Variants in SRL observed in about 807,000 individuals in gnomAD.
SRL encodes sarcalumenin.
Under a neutral mutation model 39.5 loss-of-function variants are expected in SRL, and 23 were observed. The observed-to-expected ratio is 0.58, with a 90% CI of 0.42 to 0.82. The LOEUF (loss-of-function observed/expected upper bound fraction) is 0.82. Among genes scored for constraint, SRL ranks in the 40% least tolerant of loss-of-function variants. The pLI is 0.00. For missense variants in SRL, 592 were observed against 607.8 expected, an observed-to-expected ratio of 0.97 and a Z score of 0.27; for synonymous variants, 272 against 237.4, an observed-to-expected ratio of 1.15 and a Z score of -1.34.
At chr16:4,221,844 G>A (rs989066358) in intron 1 of SRL, among the ~76,000 whole-genome samples, 1 of 152,092 alleles carries the variant, frequency 6.6e-6, no homozygotes, top group Non-Finnish European at 1.5e-5. Flanking sequence ...GCAACTCTTG[G>A]CTTGTGGCTG....
intron 1 of SRL, among the ~76,000 whole-genome samples, chr16:4,220,031 C>T (rs150681176): frequency 6.6e-5 from 10 of 152,162 alleles, no homozygotes; most frequent in East Asian, 1.9e-4. Flanking sequence ...CCCACCTTGC[C>T]GCTCCGTGAA....
At chr16:4,216,085 G>T (rs967783226) in intron 1 of SRL, among the ~76,000 whole-genome samples, 1 of 151,424 alleles carries the variant, frequency 6.6e-6, no homozygotes, top group Non-Finnish European at 1.5e-5. Flanking sequence ...AACCCATAGA[G>T]TCCTGAGAAT....
At chr16:4,228,660 A>C (rs534162047) in intron 1 of SRL, among the ~76,000 whole-genome samples, 1 of 151,002 alleles carries the variant, frequency 6.6e-6, no homozygotes, top group South Asian at 2.1e-4. Flanking sequence ...GAGTGAACCC[A>C]GGAGGCGGAG....
Position 4,197,888 on chromosome 16 carries a change from A to G in SRL, c.287T>C (p.Val96Ala), listed in dbSNP as rs1009049526. The change falls in exon 4 of 6, where the codon GTA becomes GCA. Residue 96 changes from valine to alanine, a missense_variant. By Grantham distance (64) the Val-to-Ala change is moderately conservative. Transcript: ENST00000399609. ...AACACTCCACGGTCCCAGGAACAGT[A>G]CCATGGGCTTGGAGGTAATCTCTCC... ...TDGEITSKPM[V>A]LFLGPWSVGK... The G allele has an allele frequency of 4.3e-6, 7 of 1,613,878 alleles. No individual in the cohort carries two copies. Among genetic ancestry groups the G allele is most frequent in the Non-Finnish European group, 5.9e-6 (7 of 1,179,722 alleles).
rs1179455575 is a variant in SRL at position 4,203,149 on chromosome 16, G to A, written c.259+17C>T. 3.7e-6 allele frequency: 6 copies of A among 1,607,270 alleles called. No homozygotes were observed. The South Asian group carries it at 4.4e-5, about 12-fold the overall frequency. On this transcript the variant is annotated intron_variant, in intron 3 of 5. Transcript: ENST00000399609. ...GTACCCGTAATCTCAAGCCCTACCT[G>A]TTATCTCAAGCCCTACCTGTGATCT...
rs182800489 is a variant in SRL at position 4,224,879 on chromosome 16, G to T, written c.61+17128C>A. Among the ~76,000 whole-genome samples, 597 of 152,316 alleles carry T rather than the reference G, an allele frequency of 3.9e-3. 6 individuals are homozygous for T. The highest frequency in any genetic ancestry group is 6.8e-3 in the Non-Finnish European group (462 of 68,042). ...TAGATCAATGGATAAACAGAACATG[G>T]TCTATCCACACAATGCAATATTTCC... is the stretch of plus-strand genomic sequence containing the variant. On this transcript the variant is annotated intron_variant, in intron 1 of 5. Coordinates refer to ENST00000399609, the MANE Select transcript of SRL (RefSeq NM_001098814.2).
chr16:4,221,817 GC>G (rs768148238), intron 1 of SRL, among the ~76,000 whole-genome samples: 1 of 152,180 alleles, frequency 6.6e-6, no homozygotes, highest in Non-Finnish European at 1.5e-5. Context: ...TGCCTCTCTA[GC>G]TTCTGGTGTT....
intron 3 of SRL, among the ~76,000 whole-genome samples, chr16:4,202,461 C>A (rs2052248942): frequency 6.6e-6 from 1 of 151,924 alleles, no homozygotes; most frequent in African/African-American, 2.4e-5. Context: ...GGCGTGGTGG[C>A]AGGTGCCTGT....
chr16:4,196,031 G>A (rs2052136126), intron 4 of SRL, among the ~76,000 whole-genome samples: 1 of 152,100 alleles, frequency 6.6e-6, no homozygotes, highest in Admixed American at 6.6e-5. Flanking sequence ...TGCAATCTCA[G>A]CTCACTGCAG....
chr16:4,210,750 T>A (rs1488703965), intron 1 of SRL, among the ~76,000 whole-genome samples: 2 of 152,200 alleles, frequency 1.3e-5, no homozygotes, highest in Non-Finnish European at 2.9e-5. Context: ...CTCAAAGTGC[T>A]GGGATTACAG....
At chr16:4,235,695 T>C (rs1182757863) in intron 1 of SRL, among the ~76,000 whole-genome samples, 1 of 151,900 alleles carries the variant, frequency 6.6e-6, no homozygotes, top group Non-Finnish European at 1.5e-5. Flanking sequence ...AGTGAGACCT[T>C]ATCTCAAAAA....
chr16:4,231,487 C>T (rs1264925609), intron 1 of SRL, among the ~76,000 whole-genome samples: 3 of 152,174 alleles, frequency 2.0e-5, no homozygotes, highest in South Asian at 2.1e-4. Context: ...CAGACCCTGT[C>T]GTCACCATCC....
intron 1 of SRL, among the ~76,000 whole-genome samples, chr16:4,217,983 G>T (rs1402790218): frequency 6.6e-6 from 1 of 152,158 alleles, no homozygotes; most frequent in African/African-American, 2.4e-5. Flanking sequence ...GAGCTGCAGG[G>T]TGCCTGGGGG....
At position 4,232,299 on chromosome 16, in the gene SRL, G is replaced by A. The variant is rs569386043; in HGVS notation, c.61+9708C>T. Reference sequence around the variant, plus strand: ...TTCCCAAGTCCTAGAGAGCACTCCCGGTCTCTTGATCTCCTTGGGTAAGTG... The same window carrying A: ...TTCCCAAGTCCTAGAGAGCACTCCCAGTCTCTTGATCTCCTTGGGTAAGTG... On this transcript the variant is annotated intron_variant, in intron 1 of 5. Coordinates refer to ENST00000399609, the MANE Select transcript of SRL (RefSeq NM_001098814.2). Among the ~76,000 whole-genome samples the A allele has an allele frequency of 3.3e-5, 5 of 152,284 alleles. No individual in the cohort carries two copies. The East Asian group carries it at 9.6e-4, about 29-fold the overall frequency.
At chr16:4,205,945 CA>C (rs5815198) in intron 1 of SRL, among the ~76,000 whole-genome samples, 72 of 146,398 alleles carry the variant, frequency 4.9e-4, no homozygotes, top group Admixed American at 1.2e-3. Context: ...GACCTTGTCT[CA>C]AAAAAAAAAA....
intron 1 of SRL, chr16:4,207,870 T>C (rs1263308613): frequency 2.2e-6 from 1 of 456,520 alleles, no homozygotes; most frequent in South Asian, 1.5e-5. Context: ...GGCTGAGGCA[T>C]TGGAGAGGCT....
rs559902998 is a variant in SRL, at chr16:4,214,218, C to T, written c.62-9584G>A. On this transcript the variant is annotated intron_variant, in intron 1 of 5. Coordinates refer to ENST00000399609, the MANE Select transcript of SRL (RefSeq NM_001098814.2). ...GGGTGTTGAATGTATTCAGTGCCTT[C>T]GTGCAATCAAATGTAGATTCTATTC... Among the ~76,000 whole-genome samples the T allele has an allele frequency of 6.6e-5, 10 of 152,274 alleles. No homozygotes were observed. In the South Asian group the frequency reaches 1.9e-3, roughly 28 times the overall value.
chr16:4,192,805 G>A lies in SRL; in HGVS notation c.770C>T (p.Ala257Val). The stretch of plus-strand genomic sequence containing the variant: ...GAGCATTTGGGTGGCCAGATTGTCA[G>A]CCTTGTTCAGGATGATCCTTATCTG... ...ESQIRIILNK[A>V]DNLATQMLMR... is the part of the protein sequence containing the mutation. Residue 257 changes from alanine to valine, a missense_variant, in exon 6 of 6, where the codon GCT (alanine) becomes GTT (valine). Transcript: ENST00000399609. The surrounding 1 kb of genome is among the most constrained non-coding windows in gnomAD (Gnocchi z 4.0). The A allele has an allele frequency of 6.2e-7, 1 of 1,614,230 alleles. No individual in the cohort carries two copies.
At chr16:4,233,841 T>C (rs2052685035) in intron 1 of SRL, among the ~76,000 whole-genome samples, 1 of 152,010 alleles carries the variant, frequency 6.6e-6, no homozygotes, top group East Asian at 1.9e-4. Flanking sequence ...TTCTATTTGA[T>C]CCTTTTGTGC....
Sources: allele counts gnomAD v4.1 joint callset (sites outside exome capture counted in the v4.1 genomes callset), GRCh38; gene constraint gnomAD v4.1.1; non-coding constraint Gnocchi (gnomAD v3.1); transcripts MANE v1.5; gene names NCBI Gene and HGNC (gene_info 2026-07-23, HGNC 2026-07-21).